SNTG1: variants seen among roughly 807,000 people sequenced by gnomAD.
SNTG1 encodes the protein syntrophin gamma 1.
SNTG1 carries 39 observed loss-of-function variants against 74.7 expected under a neutral mutation model. That is an observed-to-expected ratio of 0.52 (90% CI 0.40 to 0.68). SNTG1 has a LOEUF of 0.68. SNTG1 is among the 30% of genes least tolerant of loss of function. The pLI, the probability that SNTG1 is intolerant of heterozygous loss-of-function variation, is 0.00. For synonymous variants in SNTG1, 254 were observed against 217.1 expected (o/e 1.17, Z -1.49); for missense variants, 685 against 609.5 (o/e 1.12, Z -1.30).
chr8:50,099,669 T>C (rs2080052785), intron 1 of SNTG1, among the ~76,000 whole-genome samples: 1 of 152,152 alleles, frequency 6.6e-6, no homozygotes, highest in Admixed American at 6.5e-5. Context: ...TTTATCTTTG[T>C]GATAATAGGC....
intron 1 of SNTG1, among the ~76,000 whole-genome samples, chr8:50,139,516 T>G (rs1365321438): frequency 6.6e-6 from 1 of 152,230 alleles, no homozygotes; most frequent in Non-Finnish European, 1.5e-5. Context: ...GTGTCATGTC[T>G]GCCAACATTC....
intron 17 of SNTG1, among the ~76,000 whole-genome samples, chr8:50,726,754 C>A (rs546188327): frequency 1.3e-5 from 2 of 151,924 alleles, no homozygotes; most frequent in South Asian, 2.1e-4. Flanking sequence ...GAGGCTGAAG[C>A]GGGAGAAAGG....
intron 8 of SNTG1, among the ~76,000 whole-genome samples, chr8:50,461,978 C>T (rs2093567400): frequency 6.6e-6 from 1 of 152,048 alleles, no homozygotes; most frequent in African/African-American, 2.4e-5. Flanking sequence ...CACATAGAGG[C>T]ATACCTTGGT....
intron 1 of SNTG1, among the ~76,000 whole-genome samples, chr8:50,023,868 A>G (rs1289995825): frequency 6.6e-6 from 1 of 152,150 alleles, no homozygotes; most frequent in Admixed American, 6.6e-5. Flanking sequence ...AGCCTCCATC[A>G]AGGGTCTTTG....
chr8:50,258,908 C>T (rs189315140), intron 2 of SNTG1, among the ~76,000 whole-genome samples: 1 of 152,084 alleles, frequency 6.6e-6, no homozygotes, highest in East Asian at 1.9e-4. Context: ...GTTGAAAATG[C>T]TCTAAATCTG....
intron 1 of SNTG1, among the ~76,000 whole-genome samples, chr8:50,060,528 G>C (rs183371741): frequency 6.1e-4 from 92 of 151,990 alleles, no homozygotes; most frequent in African/African-American, 2.2e-3. Flanking sequence ...TTTTTAGATG[G>C]TGTGATTTAT....
At chr8:50,470,901 A>G (rs1011941688) in intron 8 of SNTG1, among the ~76,000 whole-genome samples, 1 of 152,130 alleles carries the variant, frequency 6.6e-6, no homozygotes, top group Non-Finnish European at 1.5e-5. Context: ...CATCCTGCTC[A>G]TTGGTCCATT....
intron 2 of SNTG1, among the ~76,000 whole-genome samples, chr8:50,190,819 T>C (rs910657685): frequency 5.9e-5 from 9 of 152,084 alleles, no homozygotes; most frequent in African/African-American, 1.9e-4. Flanking sequence ...TGGTTCCCTG[T>C]GAGGAAGCAG....
chr8:50,412,907 A>T (rs1460730982), intron 4 of SNTG1, among the ~76,000 whole-genome samples: 1 of 152,212 alleles, frequency 6.6e-6, no homozygotes, highest in African/African-American at 2.4e-5. Context: ...CCATCAATAA[A>T]GGGAGCAATT....
intron 2 of SNTG1, among the ~76,000 whole-genome samples, chr8:50,223,486 T>C (rs2085169747): frequency 6.6e-6 from 1 of 152,080 alleles, no homozygotes; most frequent in Non-Finnish European, 1.5e-5. Context: ...ATAACTAGTA[T>C]TGGAAATAAC....
intron 18 of SNTG1, among the ~76,000 whole-genome samples, chr8:50,777,888 T>G (rs1028415801): frequency 6.6e-6 from 1 of 152,014 alleles, no homozygotes; most frequent in African/African-American, 2.4e-5. Flanking sequence ...GAGTGTGATG[T>G]TCCCCTTCCT....
chr8:50,700,378 T>A (rs2131502273), intron 15 of SNTG1, among the ~76,000 whole-genome samples: 1 of 152,292 alleles, frequency 6.6e-6, no homozygotes, highest in Non-Finnish European at 1.5e-5. Flanking sequence ...TTTTAGATGA[T>A]TATGTTGAAA....
At chr8:50,469,256 G>A (rs1034137180) in intron 8 of SNTG1, among the ~76,000 whole-genome samples, 4 of 152,088 alleles carry the variant, frequency 2.6e-5, no homozygotes, top group East Asian at 1.9e-4. Flanking sequence ...TGGGACACAG[G>A]CTTCTGTTGG....
chr8:50,398,331 A>G (rs1396698650), intron 3 of SNTG1, among the ~76,000 whole-genome samples: 2 of 152,204 alleles, frequency 1.3e-5, no homozygotes, highest in Non-Finnish European at 2.9e-5. Flanking sequence ...TCCTCTCCAG[A>G]CATCTCTCCT....
At chr8:50,587,227 G>T (rs564353853) in intron 12 of SNTG1, among the ~76,000 whole-genome samples, 1 of 149,980 alleles carries the variant, frequency 6.7e-6, no homozygotes, top group South Asian at 2.1e-4. Context: ...CATATATGTA[G>T]GTATATATGT....
At chr8:49,918,827 G>C (rs1182969606) in intron 1 of SNTG1, among the ~76,000 whole-genome samples, 1 of 151,994 alleles carries the variant, frequency 6.6e-6, no homozygotes, top group African/African-American at 2.4e-5. Context: ...ATTGGTATTT[G>C]TATATTTTAA....
At chr8:50,382,355 A>G (rs536010146) in intron 2 of SNTG1, 2 of 152,308 alleles carry the variant, frequency 1.3e-5, no homozygotes, top group South Asian at 4.1e-4. Context: ...ATGTTATTAA[A>G]TGGCTGGCAC....
intron 15 of SNTG1, among the ~76,000 whole-genome samples, chr8:50,672,326 C>T (rs1222283383): frequency 6.6e-6 from 1 of 152,126 alleles, no homozygotes; most frequent in African/African-American, 2.4e-5. Context: ...TCCTATTTCT[C>T]CACAGTCTCT....
chr8:50,424,440 A>G (rs2093136515), intron 4 of SNTG1, among the ~76,000 whole-genome samples: 1 of 152,230 alleles, frequency 6.6e-6, no homozygotes, highest in Non-Finnish European at 1.5e-5. Context: ...TTCCACTATC[A>G]TTTTTATACC....
Sources: gnomAD v4.1 joint callset for allele counts (sites outside exome capture counted in the v4.1 genomes callset) on GRCh38, gnomAD v4.1.1 for gene constraint, MANE v1.5 for transcripts, NCBI Gene and HGNC (gene_info 2026-07-23, HGNC 2026-07-21) for gene names.